The following MAPKAPK3 variants were observed in gnomAD, a reference collection of about 807,000 sequenced individuals.
MAPKAPK3 encodes MAPK activated protein kinase 3.
Under a neutral mutation model 49.2 loss-of-function variants are expected in MAPKAPK3, and 35 were observed. The observed-to-expected ratio is 0.71, with a 90% CI of 0.54 to 0.94. The LOEUF is 0.94. MAPKAPK3 is among the 40% of genes least tolerant of loss of function. MAPKAPK3 has a pLI of 0.00. For synonymous variants in MAPKAPK3, 178 were observed against 188.7 expected, an observed-to-expected ratio of 0.94 and a Z score of 0.46; for missense variants, 398 against 493.1, an observed-to-expected ratio of 0.81 and a Z score of 1.83.
intron 2 of MAPKAPK3, among the ~76,000 whole-genome samples, chr3:50,624,377 C>G (rs2032683859): frequency 6.6e-6 from 1 of 152,146 alleles, no homozygotes; most frequent in African/African-American, 2.4e-5. Context: ...ACCAGTTTCC[C>G]ACTCGCAGAC....
chr3:50,628,202 C>T (rs2032808704), intron 2 of MAPKAPK3, among the ~76,000 whole-genome samples: 1 of 152,190 alleles, frequency 6.6e-6, no homozygotes, highest in African/African-American at 2.4e-5. Context: ...TGGCCAGAGG[C>T]CTGGCCTGCT....
intron 2 of MAPKAPK3, among the ~76,000 whole-genome samples, chr3:50,620,784 C>A (rs1024410067): frequency 6.6e-6 from 1 of 152,220 alleles, no homozygotes; most frequent in Non-Finnish European, 1.5e-5. Flanking sequence ...TCATTGCTGT[C>A]CTCTTGGCAG....
chr3:50,638,885 G>A (rs192773505), intron 2 of MAPKAPK3, among the ~76,000 whole-genome samples: 11 of 152,340 alleles, frequency 7.2e-5, no homozygotes, highest in Admixed American at 2.6e-4. Context: ...TCCGAGCCCC[G>A]GTCTTGAGCA....
upstream of MAPKAPK3, among the ~76,000 whole-genome samples, chr3:50,613,598 G>A (rs926592603): frequency 7.2e-5 from 11 of 152,202 alleles, no homozygotes; most frequent in Non-Finnish European, 1.3e-4. Context: ...GGACTTTGCC[G>A]CTGCCAGGCA....
intron 8 of MAPKAPK3, 29 bp from the exon 9 acceptor site, chr3:50,646,711 C>A: frequency 6.9e-7 from 1 of 1,455,140 alleles, no homozygotes; most frequent in Non-Finnish European, 9.7e-7. Context: ...GCAATCTCAT[C>A]TCTCCCCTCT....
intron 8 of MAPKAPK3, 137 bp downstream of exon 8, chr3:50,646,401 G>T (rs2033297870): frequency 8.0e-7 from 1 of 1,248,178 alleles, no homozygotes. Context: ...CCCTAGGCAA[G>T]TCCCCTAACC....
At chr3:50,623,736 C>T (rs1174574108) in intron 2 of MAPKAPK3, among the ~76,000 whole-genome samples, 5 of 152,318 alleles carry the variant, frequency 3.3e-5, no homozygotes, top group African/African-American at 1.2e-4. Context: ...GAGCTGTGAG[C>T]CTAGGCAGTT....
chr3:50,617,460 G>T lies in MAPKAPK3; in HGVS notation c.-52-54G>T, dbSNP rs1575992925. ...CCCAGCCCAGTTCAGAGGCTCCAAG[G>T]CTGGGGTGTGTTGGAAAAGTCTGGG... On this transcript the variant is annotated intron_variant, in intron 1 of 10. Transcript: ENST00000621469. The T allele has an allele frequency of 9.4e-6, 6 of 641,010 alleles. No individual in the cohort carries two copies. In the East Asian group the frequency reaches 1.6e-4, roughly 17 times the overall value. 39.7% of individuals were successfully genotyped at this position (641,010 alleles called of 1,614,324 possible). A position where few individuals can be genotyped will look rare whatever the true frequency, so the allele number is the denominator to read the frequency against.
intron 2 of MAPKAPK3, 149 bp downstream of exon 2, chr3:50,617,933 T>G: frequency 1.6e-6 from 1 of 620,272 alleles, no homozygotes; most frequent in Non-Finnish European, 2.8e-6. Context: ...AGGCTTGTGG[T>G]CCTCCCTACT....
rs750703880 is a variant in MAPKAPK3, at chr3:50,642,371, G to A, written c.504+39G>A. ...ATTCAGGTTGGGGGCCCGGGGAAGAGGATATTGTCCCACTCCACAATCCCT... is the reference window on the plus strand; with the variant it reads ...ATTCAGGTTGGGGGCCCGGGGAAGAAGATATTGTCCCACTCCACAATCCCT... On this transcript the variant is annotated intron_variant, in intron 5 of 10. Transcript: ENST00000621469. The A allele has an allele frequency of 4.1e-5, 61 of 1,498,400 alleles. No individual in the cohort carries two copies. The Admixed American group carries it at 1.0e-3, about 25-fold the overall frequency. The allele number at this position is 1,498,400 out of a possible 1,614,324, so 92.8% of individuals were successfully genotyped here.
chr3:50,615,552 C>A (rs1371874717), upstream of MAPKAPK3, among the ~76,000 whole-genome samples: 1 of 152,202 alleles, frequency 6.6e-6, no homozygotes, highest in Admixed American at 6.5e-5. Flanking sequence ...AATGGGGGCT[C>A]TGTCATGACA....
chr3:50,625,667 T>C (rs2032719539), intron 2 of MAPKAPK3, among the ~76,000 whole-genome samples: 1 of 152,206 alleles, frequency 6.6e-6, no homozygotes, highest in African/African-American at 2.4e-5. Flanking sequence ...CTCATGGCAC[T>C]AGCGATCTTT....
At chr3:50,625,519 G>T (rs1483884353) in intron 2 of MAPKAPK3, among the ~76,000 whole-genome samples, 1 of 152,182 alleles carries the variant, frequency 6.6e-6, no homozygotes, top group African/African-American at 2.4e-5. Context: ...TCCCGTTTGG[G>T]GAACAAGGAG....
upstream of MAPKAPK3, among the ~76,000 whole-genome samples, chr3:50,614,535 GTGTGTGTA>G (rs2032415827): frequency 6.7e-6 from 1 of 148,962 alleles, no homozygotes; most frequent in South Asian, 2.1e-4. Flanking sequence ...GTGTGTGTGT[GTGTGTGTA>G]GGATTTAGCC....
chr3:50,634,054 G>A (rs1314251973), intron 2 of MAPKAPK3, among the ~76,000 whole-genome samples: 1 of 152,208 alleles, frequency 6.6e-6, no homozygotes, highest in Non-Finnish European at 1.5e-5. Flanking sequence ...AGGGGTCTTG[G>A]CCTTCTGGCT....
At chr3:50,623,288 G>A (rs557015323) in intron 2 of MAPKAPK3, among the ~76,000 whole-genome samples, 1 of 152,316 alleles carries the variant, frequency 6.6e-6, no homozygotes, top group East Asian at 1.9e-4. Context: ...TAACTGCCAG[G>A]GATGAGCAAT....
intron 2 of MAPKAPK3, among the ~76,000 whole-genome samples, chr3:50,631,343 G>A (rs1335648238): frequency 6.6e-6 from 1 of 152,188 alleles, no homozygotes; most frequent in African/African-American, 2.4e-5. Flanking sequence ...GACATGGGGG[G>A]CAGGAGCGGG....
intron 10 of MAPKAPK3, 81 bp from the exon 11 acceptor site, chr3:50,647,813 G>A: frequency 2.2e-6 from 3 of 1,389,928 alleles, no homozygotes; most frequent in Non-Finnish European, 3.0e-6. Context: ...GACATTAAGG[G>A]GCTGCCCAGG....
chr3:50,638,253 C>A (rs887294705), intron 2 of MAPKAPK3, among the ~76,000 whole-genome samples: 1 of 151,770 alleles, frequency 6.6e-6, no homozygotes, highest in African/African-American at 2.4e-5. Context: ...GGGGAGGAGG[C>A]AAAGAAGGAA....
Sources: allele counts gnomAD v4.1 joint callset (sites outside exome capture counted in the v4.1 genomes callset), GRCh38; gene constraint gnomAD v4.1.1; transcripts MANE v1.5; gene names NCBI Gene and HGNC (gene_info 2026-07-23, HGNC 2026-07-21).